Variants in IL1RAPL1 observed in about 807,000 individuals in gnomAD.
IL1RAPL1 encodes interleukin-1 receptor accessory protein-like 1.
IL1RAPL1 carries 3 observed loss-of-function variants against 48.4 expected under a neutral mutation model. The observed-to-expected ratio is 0.06, with a 90% CI of 0.03 to 0.16. The LOEUF (loss-of-function observed/expected upper bound fraction) is 0.16. Among genes scored for constraint, IL1RAPL1 ranks in the 10% least tolerant of loss-of-function variants. IL1RAPL1 has a pLI of 1.00. For missense variants in IL1RAPL1, 349 were observed against 530.6 expected, an observed-to-expected ratio of 0.66 and a Z score of 3.36; for synonymous variants, 185 against 187.7, an observed-to-expected ratio of 0.99 and a Z score of 0.12.
chrX:29,591,883 G>A lies in IL1RAPL1; in HGVS notation c.704-76547G>A, dbSNP rs180904063. 2.7e-5 allele frequency among the ~76,000 whole-genome samples: 3 copies of A among 112,208 alleles called. No homozygotes were observed. The East Asian group carries it at 8.4e-4, about 32-fold the overall frequency. ...GTAAGTGAAGGTCCAGGATCACATG[G>A]CCAGAAAGTGGTGAACAGGGATCTC... is the stretch of plus-strand genomic sequence containing the variant. On this transcript the variant is annotated intron_variant, in intron 5 of 10. Transcript: ENST00000378993.
chrX:29,833,687 C>G (rs188464170), intron 6 of IL1RAPL1, among the ~76,000 whole-genome samples: 7 of 111,761 alleles, frequency 6.3e-5, no homozygotes, highest in Admixed American at 5.7e-4. Flanking sequence ...TCAAATCCAT[C>G]TCTTGAGAAA....
chrX:29,769,061 A>G (rs1318697762), intron 6 of IL1RAPL1, among the ~76,000 whole-genome samples: 1 of 111,297 alleles, frequency 9.0e-6, no homozygotes, highest in Non-Finnish European at 1.9e-5. Flanking sequence ...CCCAGCCCCT[A>G]GAAACCACTA....
intron 5 of IL1RAPL1, among the ~76,000 whole-genome samples, chrX:29,415,651 C>A (rs964430794): frequency 9.0e-6 from 1 of 111,603 alleles, no homozygotes; most frequent in Non-Finnish European, 1.9e-5. Context: ...GAACTCCTGA[C>A]GTTGTGATCC....
chrX:29,677,301 A>G (rs1026785320), intron 6 of IL1RAPL1, among the ~76,000 whole-genome samples: 5 of 112,017 alleles, frequency 4.5e-5, no homozygotes, highest in African/African-American at 1.6e-4. Context: ...TTACTTTATC[A>G]ACTTAGTATA....
chrX:28,862,315 C>T (rs1412818760), intron 2 of IL1RAPL1, among the ~76,000 whole-genome samples: 1 of 111,673 alleles, frequency 9.0e-6, no homozygotes, highest in African/African-American at 3.3e-5. Context: ...TTTTACTGTA[C>T]TAGTAATTTT....
intron 3 of IL1RAPL1, among the ~76,000 whole-genome samples, chrX:29,344,332 A>T (rs1040555984): frequency 1.8e-5 from 2 of 112,165 alleles, no homozygotes; most frequent in African/African-American, 6.5e-5. Context: ...GCCATACTTA[A>T]GTTCCTATTT....
At chrX:29,459,185 G>T (rs1480177836) in intron 5 of IL1RAPL1, among the ~76,000 whole-genome samples, 1 of 111,955 alleles carries the variant, frequency 8.9e-6, no homozygotes, top group Non-Finnish European at 1.9e-5. Context: ...AAGCCTGGTA[G>T]ATGAGGTAAG....
intron 2 of IL1RAPL1, among the ~76,000 whole-genome samples, chrX:29,193,630 G>A (rs947154048): frequency 8.1e-5 from 9 of 110,558 alleles, no homozygotes; most frequent in Non-Finnish European, 1.7e-4. Flanking sequence ...GGTTGGAGGC[G>A]GGTGTCATGA....
At chrX:28,671,716 G>C (rs1934948146) in intron 1 of IL1RAPL1, among the ~76,000 whole-genome samples, 2 of 112,137 alleles carry the variant, frequency 1.8e-5, no homozygotes, top group African/African-American at 6.5e-5. Flanking sequence ...TAGCATATGG[G>C]CATTTTTCAG....
At position 28,612,532 on chromosome X, in the gene IL1RAPL1, T is replaced by C. The variant is rs1402854232; in HGVS notation, c.-25+24485T>C. ...AGGCATGGCAGGAATAGGGCCAGAGTAGCACCCCCTAAAGGGAGGGGCAGG... is the reference window on the plus strand; with the variant it reads ...AGGCATGGCAGGAATAGGGCCAGAGCAGCACCCCCTAAAGGGAGGGGCAGG... On this transcript the variant is annotated intron_variant, in intron 1 of 10. Coordinates refer to ENST00000378993, the MANE Select transcript of IL1RAPL1 (RefSeq NM_014271.4). 2.7e-5 allele frequency among the ~76,000 whole-genome samples: 3 copies of C among 111,747 alleles called. No homozygotes were observed. In the South Asian group the frequency reaches 1.1e-3, roughly 42 times the overall value.
At chrX:29,896,810 T>C (rs1052805197) in intron 6 of IL1RAPL1, among the ~76,000 whole-genome samples, 1 of 110,150 alleles carries the variant, frequency 9.1e-6, no homozygotes, top group African/African-American at 3.5e-5. Context: ...TTTATGTCAA[T>C]GAGGCAAGTC....
intron 5 of IL1RAPL1, among the ~76,000 whole-genome samples, chrX:29,598,790 G>C (rs919527156): frequency 1.8e-5 from 2 of 111,502 alleles, no homozygotes; most frequent in African/African-American, 6.5e-5. Flanking sequence ...GTCCCTCTTT[G>C]TGTTTTTTAA....
chrX:29,147,560 T>C (rs1398899454), intron 2 of IL1RAPL1, among the ~76,000 whole-genome samples: 1 of 111,608 alleles, frequency 9.0e-6, no homozygotes, highest in Non-Finnish European at 1.9e-5. Context: ...ACCAGAACTA[T>C]AACCAAATTC....
intron 5 of IL1RAPL1, among the ~76,000 whole-genome samples, chrX:29,599,027 C>T (rs1367902878): frequency 8.9e-6 from 1 of 112,048 alleles, no homozygotes; most frequent in Admixed American, 9.4e-5. Context: ...AGGTCATTTA[C>T]ATTCAAAGTT....
At chrX:29,445,880 A>G (rs914538196) in intron 5 of IL1RAPL1, among the ~76,000 whole-genome samples, 2 of 112,202 alleles carry the variant, frequency 1.8e-5, no homozygotes, top group African/African-American at 6.5e-5. Flanking sequence ...TTAAAGGGGA[A>G]GATGACCTTT....
At chrX:29,099,166 CAA>C (rs1457873317) in intron 2 of IL1RAPL1, among the ~76,000 whole-genome samples, 1 of 111,279 alleles carries the variant, frequency 9.0e-6, no homozygotes, top group Non-Finnish European at 1.9e-5. Context: ...CAAAACAAAA[CAA>C]AACAAAACAA....
At chrX:28,728,504 C>T (rs1324046132) in intron 1 of IL1RAPL1, among the ~76,000 whole-genome samples, 9 of 111,357 alleles carry the variant, frequency 8.1e-5, no homozygotes, top group Non-Finnish European at 1.7e-4. Context: ...GAGAGTATCT[C>T]TAAAAAAATT....
intron 2 of IL1RAPL1, among the ~76,000 whole-genome samples, chrX:28,839,418 A>G (rs2147291007): frequency 9.0e-6 from 1 of 110,939 alleles, no homozygotes; most frequent in Non-Finnish European, 1.9e-5. Flanking sequence ...AATGTATTTC[A>G]TGATTTAGAT....
At chrX:29,209,244 C>A (rs2147540425) in intron 2 of IL1RAPL1, among the ~76,000 whole-genome samples, 1 of 112,240 alleles carries the variant, frequency 8.9e-6, no homozygotes, top group South Asian at 3.7e-4. Context: ...TACTGCATTT[C>A]ATTTCCACTC....
Sources: allele counts gnomAD v4.1 joint callset (sites outside exome capture counted in the v4.1 genomes callset), GRCh38; gene constraint gnomAD v4.1.1; transcripts MANE v1.5; gene names NCBI Gene and HGNC (gene_info 2026-07-23, HGNC 2026-07-21).